The following PAIP2 variants were observed in gnomAD, a reference collection of about 807,000 sequenced individuals.
The protein encoded by PAIP2 is poly(A) binding protein interacting protein 2.
In PAIP2, 7 loss-of-function variants were observed where a neutral mutation model predicts 14.8. The observed-to-expected ratio is 0.47, with a 90% confidence interval of 0.27 to 0.89. The LOEUF (loss-of-function observed/expected upper bound fraction) is 0.89, where lower values mean the gene tolerates loss of function less well. PAIP2 is among the 40% of genes least tolerant of loss of function. The probability of loss-of-function intolerance (pLI) is 0.13; values close to 1 mark genes in which losing one functional copy is unlikely to be tolerated. For synonymous variants in PAIP2, 47 were observed against 45.3 expected (o/e 1.04, Z -0.15); for missense variants, 122 against 154.7 (o/e 0.79, Z 1.12).
At chr5:139,358,582 A>G (rs1192951365) in intron 1 of PAIP2, among the ~76,000 whole-genome samples, 1 of 152,118 alleles carries the variant, frequency 6.6e-6, no homozygotes, top group Non-Finnish European at 1.5e-5. Context: ...CGATAACAGC[A>G]TTATTAATAG....
intron 1 of PAIP2, among the ~76,000 whole-genome samples, chr5:139,355,872 T>C (rs1756894094): frequency 6.6e-6 from 1 of 150,862 alleles, no homozygotes; most frequent in Non-Finnish European, 1.5e-5. Flanking sequence ...ATAAATAGGC[T>C]GGGCGTGGTG....
intron 1 of PAIP2, among the ~76,000 whole-genome samples, chr5:139,353,578 C>T (rs1756816256): frequency 6.6e-6 from 1 of 152,152 alleles, no homozygotes; most frequent in Non-Finnish European, 1.5e-5. Context: ...ATATAGCTTC[C>T]TGTCGCCCAC....
intron 1 of PAIP2, among the ~76,000 whole-genome samples, chr5:139,356,530 C>T (rs547453393): frequency 4.0e-4 from 61 of 152,008 alleles, no homozygotes; most frequent in African/African-American, 1.4e-3. Flanking sequence ...TTATTTTTTG[C>T]CTGTGTATGG....
intron 3 of PAIP2, among the ~76,000 whole-genome samples, chr5:139,365,580 C>T (rs958225491): frequency 2.0e-5 from 3 of 151,836 alleles, no homozygotes; most frequent in East Asian, 1.9e-4. Flanking sequence ...GCAGGAGAAT[C>T]GCTTCAACCT....
intron 1 of PAIP2, among the ~76,000 whole-genome samples, chr5:139,350,941 G>A (rs931672715): frequency 6.6e-6 from 1 of 152,022 alleles, no homozygotes; most frequent in African/African-American, 2.4e-5. Context: ...GAGAAATATA[G>A]ATCCTTCACA....
intron 1 of PAIP2, among the ~76,000 whole-genome samples, chr5:139,362,793 G>A (rs1205615303): frequency 2.0e-5 from 3 of 151,858 alleles, no homozygotes; most frequent in Non-Finnish European, 2.9e-5. Context: ...ACCTGCCCCC[G>A]CCTCCCAAAG....
chr5:139,366,073 C>A (rs1392085222), intron 3 of PAIP2, among the ~76,000 whole-genome samples: 1 of 151,486 alleles, frequency 6.6e-6, no homozygotes, highest in African/African-American at 2.4e-5. Context: ...TGTGGTGGTG[C>A]GTGCCTGTAA....
intron 1 of PAIP2, among the ~76,000 whole-genome samples, chr5:139,351,581 A>G (rs370935866): frequency 4.6e-5 from 7 of 152,352 alleles, no homozygotes; most frequent in South Asian, 2.1e-4. Context: ...AATTACCTCT[A>G]TGATAGGATC....
intron 1 of PAIP2, among the ~76,000 whole-genome samples, chr5:139,363,355 A>G (rs979056930): frequency 6.6e-6 from 1 of 152,178 alleles, no homozygotes; most frequent in African/African-American, 2.4e-5. Context: ...CTTACCGTGT[A>G]TTTTTAATGT....
intron 1 of PAIP2, among the ~76,000 whole-genome samples, chr5:139,346,811 C>G (rs1040781385): frequency 6.6e-6 from 1 of 151,728 alleles, no homozygotes; most frequent in East Asian, 1.9e-4. Flanking sequence ...TGAGCTGCTG[C>G]GCCCAGCTTA....
At chr5:139,360,417 A>G (rs998940174) in intron 1 of PAIP2, among the ~76,000 whole-genome samples, 1 of 152,188 alleles carries the variant, frequency 6.6e-6, no homozygotes, top group Non-Finnish European at 1.5e-5. Flanking sequence ...CTAACAAATC[A>G]TATTATCATA....
chr5:139,348,895 T>TG (rs1756639975), intron 1 of PAIP2, among the ~76,000 whole-genome samples: 1 of 146,874 alleles, frequency 6.8e-6, no homozygotes, highest in Non-Finnish European at 1.5e-5. Context: ...AGGCTAGTCT[T>TG]GAACTCCTGA....
chr5:139,361,103 A>G (rs1757056086), intron 1 of PAIP2, among the ~76,000 whole-genome samples: 1 of 152,038 alleles, frequency 6.6e-6, no homozygotes, highest in Admixed American at 6.6e-5. Context: ...ATAGATATAC[A>G]TACTATAACT....
At position 139,363,641 on chromosome 5, in the gene PAIP2, T is replaced by G. The variant is rs1757136167; in HGVS notation, c.-26-118T>G. The G allele has an allele frequency of 9.0e-5, 71 of 786,040 alleles. No individual in the cohort carries two copies. In the African/African-American group the frequency reaches 1.2e-3, roughly 13 times the overall value. 48.7% of individuals were successfully genotyped at this position (786,040 alleles called of 1,614,324 possible). A position where few individuals can be genotyped will look rare whatever the true frequency, so the allele number is the denominator to read the frequency against. The stretch of plus-strand genomic sequence containing the variant: ...GGAGGCTGAGGCAAGAGATCGAGGC[T>G]GTGGTGAGCCATGATCACACCATTG... On this transcript the variant is annotated intron_variant, in intron 1 of 3. Transcript: ENST00000265192.
intron 1 of PAIP2, among the ~76,000 whole-genome samples, chr5:139,350,109 A>C (rs1561958117): frequency 6.6e-6 from 1 of 151,596 alleles, no homozygotes; most frequent in Non-Finnish European, 1.5e-5. Flanking sequence ...CTGGAGGCAG[A>C]GACTGCAGTG....
chr5:139,365,699 T>A (rs1191844210), intron 3 of PAIP2, among the ~76,000 whole-genome samples: 1 of 152,000 alleles, frequency 6.6e-6, no homozygotes, highest in African/African-American at 2.4e-5. Flanking sequence ...TGTGCTGCTT[T>A]TTACAATGGA....
At position 139,347,148 on chromosome 5, in the gene PAIP2, A is replaced by G. The variant is rs115823395; in HGVS notation, c.-27+5168A>G. On this transcript the variant is annotated intron_variant, in intron 1 of 3. Transcript: ENST00000265192. ...TAAAAGGAAAGAAAATTGATTTTCT[A>G]CAACATTGAAAGTTGGAATTATTGA... is the stretch of plus-strand genomic sequence containing the variant. 5.6e-3 allele frequency among the ~76,000 whole-genome samples: 854 copies of G among 152,272 alleles called. 5 individuals carry two copies. Among genetic ancestry groups the G allele is most frequent in the Non-Finnish European group, 8.9e-3 (603 of 68,022 alleles).
chr5:139,361,790 C>G (rs1489228034), intron 1 of PAIP2, among the ~76,000 whole-genome samples: 2 of 152,020 alleles, frequency 1.3e-5, no homozygotes, highest in African/African-American at 4.8e-5. Flanking sequence ...ACTAAAAATA[C>G]AAAAGTTAGC....
intron 1 of PAIP2, among the ~76,000 whole-genome samples, chr5:139,350,641 A>G (rs1201866122): frequency 1.3e-5 from 2 of 151,918 alleles, no homozygotes; most frequent in East Asian, 1.9e-4. Flanking sequence ...AAAAAAATAA[A>G]TAAATAAATA....
Sources: allele counts gnomAD v4.1 joint callset (sites outside exome capture counted in the v4.1 genomes callset), GRCh38; gene constraint gnomAD v4.1.1; transcripts MANE v1.5; gene names NCBI Gene and HGNC (gene_info 2026-07-23, HGNC 2026-07-21).